Variants in RBM25 observed in about 807,000 individuals in gnomAD.
RBM25 encodes the protein RNA-binding protein 25.
A neutral mutation model predicts 120.7 loss-of-function variants in RBM25; 19 were observed. The observed-to-expected ratio is 0.16, with a 90% confidence interval of 0.11 to 0.23. The LOEUF is 0.23. RBM25 is among the 10% of genes least tolerant of loss of function. The probability of loss-of-function intolerance (pLI) is 1.00; values close to 1 mark genes in which losing one functional copy is unlikely to be tolerated. For missense variants in RBM25, 605 were observed against 1,041.5 expected, an observed-to-expected ratio of 0.58 and a Z score of 5.77; for synonymous variants, 390 against 326.7, an observed-to-expected ratio of 1.19 and a Z score of -2.09.
At chr14:73,111,421 C>G in intron 15 of RBM25, 107 bp from the exon 16 acceptor site, 1 of 1,269,014 alleles carries the variant, frequency 7.9e-7, no homozygotes, top group Non-Finnish European at 1.1e-6. Flanking sequence ...GGATCTTTCT[C>G]TAAGATTTGT....
At chr14:73,097,501 A>G (rs1039617414) in intron 7 of RBM25, among the ~76,000 whole-genome samples, 2 of 151,954 alleles carry the variant, frequency 1.3e-5, no homozygotes, top group Non-Finnish European at 2.9e-5. Flanking sequence ...GCCCGGCCAC[A>G]TTTTAAACTT....
At chr14:73,109,297 A>G (rs779169295) in intron 13 of RBM25, 45 bp from the exon 14 acceptor site, 42 of 1,578,220 alleles carry the variant, frequency 2.7e-5, no homozygotes, top group Admixed American at 9.1e-5. Context: ...TTACTTCTCA[A>G]TGATCGGAGT....
rs753824573 is a variant in RBM25 at position 73,119,789 on chromosome 14, T to C, written c.2516T>C (p.Ile839Thr). The C allele has an allele frequency of 1.2e-6, 2 of 1,609,098 alleles. No homozygotes were observed. Among genetic ancestry groups the C allele is most frequent in the Non-Finnish European group, 1.7e-6 (2 of 1,178,834 alleles). ...ATATATGAAACAGAAGCCAAGAAAA[T>C]TGGTCTTGTGAAGTAAAACTTTTTA... ...LLIYETEAKKIGLVK is the reference protein window; with the variant it reads ...LLIYETEAKKTGLVK The change falls in exon 19 of 19, where the codon ATT (isoleucine) becomes ACT (threonine). Residue 839 changes from isoleucine (I) to threonine (T), a missense_variant. Coordinates refer to ENST00000261973, the MANE Select transcript of RBM25 (RefSeq NM_021239.3).
chr14:73,086,234 T>C (rs1430916945), intron 5 of RBM25, among the ~76,000 whole-genome samples: 1 of 151,676 alleles, frequency 6.6e-6, no homozygotes, highest in East Asian at 1.9e-4. Flanking sequence ...GGTCAAGAGA[T>C]CAAGACCATC....
intron 18 of RBM25, among the ~76,000 whole-genome samples, chr14:73,117,184 CTTTCT>C (rs1377422460): frequency 6.4e-5 from 5 of 78,114 alleles, no homozygotes; most frequent in African/African-American, 2.5e-4. Context: ...ACAGAAATTT[CTTTCT>C]TTTAATTTCT....
At chr14:73,094,801 C>G (rs1316661217) in intron 6 of RBM25, among the ~76,000 whole-genome samples, 4 of 142,726 alleles carry the variant, frequency 2.8e-5, no homozygotes, top group African/African-American at 5.3e-5. Context: ...GCTGGGATTA[C>G]AGGAGCGAGG....
chr14:73,068,492 G>T, intron 1 of RBM25: 1 of 887,944 alleles, frequency 1.1e-6, no homozygotes, highest in Non-Finnish European at 1.8e-6. Context: ...TATTGTCAGT[G>T]TGCCGCATGT....
intron 6 of RBM25, among the ~76,000 whole-genome samples, chr14:73,088,955 A>G (rs2011954722): frequency 6.6e-6 from 1 of 152,186 alleles, no homozygotes; most frequent in South Asian, 2.1e-4. Context: ...AGCCTGGCCA[A>G]CGTGGCGAAA....
intron 6 of RBM25, among the ~76,000 whole-genome samples, chr14:73,094,823 G>C (rs1475550581): frequency 6.7e-6 from 1 of 150,354 alleles, no homozygotes; most frequent in Non-Finnish European, 1.5e-5. Context: ...GTGTGTGTGT[G>C]TGTGTGTGTG....
intron 12 of RBM25, among the ~76,000 whole-genome samples, chr14:73,106,829 A>G (rs1402090146): frequency 6.6e-6 from 1 of 151,152 alleles, no homozygotes; most frequent in Non-Finnish European, 1.5e-5. Context: ...GTATACATAT[A>G]TATGTATATA....
chr14:73,099,342 T>C, intron 7 of RBM25, 38 bp from the exon 8 acceptor site: 1 of 1,577,242 alleles, frequency 6.3e-7, no homozygotes, highest in Non-Finnish European at 8.6e-7. Context: ...GCTCTGTTTT[T>C]CTTTTTTAAA....
intron 6 of RBM25, among the ~76,000 whole-genome samples, chr14:73,095,101 A>G (rs1382481074): frequency 2.0e-5 from 3 of 151,680 alleles, no homozygotes; most frequent in Non-Finnish European, 4.4e-5. Flanking sequence ...TCATCTGCCC[A>G]CCTTGGCCTC....
chr14:73,078,440 A>G (rs571343674), intron 4 of RBM25, among the ~76,000 whole-genome samples: 169 of 152,288 alleles, frequency 1.1e-3, no homozygotes, highest in Non-Finnish European at 2.2e-3. Flanking sequence ...GCAGTGAGCT[A>G]TGATCTTGTA....
intron 10 of RBM25, among the ~76,000 whole-genome samples, chr14:73,103,824 G>A (rs1317419686): frequency 6.6e-6 from 1 of 151,832 alleles, no homozygotes; most frequent in East Asian, 1.9e-4. Flanking sequence ...TAAGTGCTGG[G>A]ATTATAAGCG....
intron 5 of RBM25, 46 bp from the exon 6 acceptor site, chr14:73,087,955 T>A: frequency 6.4e-7 from 1 of 1,572,344 alleles, no homozygotes; most frequent in South Asian, 1.2e-5. Context: ...TTTTTTTCTT[T>A]TGTAAGTGAA....
At chr14:73,091,133 C>T (rs949846192) in intron 6 of RBM25, among the ~76,000 whole-genome samples, 7 of 152,130 alleles carry the variant, frequency 4.6e-5, no homozygotes, top group African/African-American at 1.7e-4. Context: ...AAATGTTATA[C>T]TGAAAAACTC....
intron 10 of RBM25, among the ~76,000 whole-genome samples, chr14:73,103,938 TCTCTCTCTCTCACA>T (rs1349518530): frequency 6.3e-4 from 34 of 53,862 alleles, no homozygotes; most frequent in East Asian, 4.7e-3. Context: ...TCTCTCTCTC[TCTCTCTCTCTCACA>T]CACACACACA....
chr14:73,094,650 C>T (rs1383630342), intron 6 of RBM25, among the ~76,000 whole-genome samples: 1 of 152,074 alleles, frequency 6.6e-6, no homozygotes, highest in East Asian at 1.9e-4. Context: ...CCAGGATGGT[C>T]TCCATCTCCT....
At chr14:73,111,387 G>A in intron 15 of RBM25, 141 bp from the exon 16 acceptor site, 1 of 1,028,960 alleles carries the variant, frequency 9.7e-7, no homozygotes. Flanking sequence ...GCACTTGTGA[G>A]TAGTGAGTTA....
Sources: gnomAD v4.1 joint callset for allele counts (sites outside exome capture counted in the v4.1 genomes callset) on GRCh38, gnomAD v4.1.1 for gene constraint, MANE v1.5 for transcripts, NCBI Gene and HGNC (gene_info 2026-07-23, HGNC 2026-07-21) for gene names.